YJU2B: variants seen among roughly 807,000 people sequenced by gnomAD.
The protein encoded by YJU2B is probable splicing factor YJU2B.
A neutral mutation model predicts 38.0 loss-of-function variants in YJU2B; 18 were observed. The ratio of observed to expected loss-of-function variants is 0.47; its 90% confidence interval spans 0.33 to 0.70. The LOEUF (loss-of-function observed/expected upper bound fraction) is 0.70. Among genes scored for constraint, YJU2B ranks in the 30% least tolerant of loss-of-function variants. The pLI, the probability that YJU2B is intolerant of heterozygous loss-of-function variation, is 0.02. For synonymous variants in YJU2B, 246 were observed against 225.4 expected, an observed-to-expected ratio of 1.09 and a Z score of -0.82; for missense variants, 538 against 556.3, an observed-to-expected ratio of 0.97 and a Z score of 0.33.
intron 2 of YJU2B, among the ~76,000 whole-genome samples, chr19:13,738,614 G>A (rs766013780): frequency 6.6e-6 from 1 of 152,060 alleles, no homozygotes; most frequent in Non-Finnish European, 1.5e-5. Flanking sequence ...CAAAAAAGCC[G>A]GGCGTGGTGG....
At chr19:13,744,948 A>C (rs427850), upstream of YJU2B, among the ~76,000 whole-genome samples, 1 of 150,678 alleles carries the variant, frequency 6.6e-6, no homozygotes, top group Non-Finnish European at 1.5e-5. Flanking sequence ...AGCCGAGATC[A>C]TGCCACTGCA....
intron 2 of YJU2B, among the ~76,000 whole-genome samples, chr19:13,740,252 A>G (rs1973057162): frequency 6.6e-6 from 1 of 152,168 alleles, no homozygotes; most frequent in Non-Finnish European, 1.5e-5. Context: ...TTGCTCTGTC[A>G]CCCAGGCCGA....
rs181494450 is a variant in YJU2B, at chr19:13,762,445, G to A, written c.712+8G>A. On this transcript the variant is annotated splice_region_variant and intron_variant, in intron 9 of 9. Transcript: ENST00000221554. ...AGTTCCACACCCTGGACTGTGCGTA[G>A]GAGGCCAGGGGGAAAAGGGGACAGG... 6.6e-4 allele frequency: 1,068 copies of A among 1,611,052 alleles called. 19 individuals carry two copies. The highest frequency in any genetic ancestry group is 3.4e-4 in the Admixed American group (20 of 59,686).
rs1240638569 is a variant in YJU2B at position 13,757,428 on chromosome 19, C to T, written c.151C>T (p.Pro51Ser). The T allele has an allele frequency of 6.2e-7, 1 of 1,613,740 alleles. No homozygotes were observed. The highest frequency in any genetic ancestry group is 1.7e-5 in the Admixed American group (1 of 59,980). ...QGILIIRFEM[P>S]YNIWCDGCKN... ...TGTCTGTCTTTGCAGATTCGAAATGCCATATAACATCTGGTGCGATGGCTG... is the reference window on the plus strand; with the variant it reads ...TGTCTGTCTTTGCAGATTCGAAATGTCATATAACATCTGGTGCGATGGCTG... Residue 51 changes from proline (P) to serine (S), a missense_variant, in exon 5 of 10, where the codon CCA (proline) becomes TCA (serine). Around this residue, in one of 2 missense-constraint regions of YJU2B, gnomAD observed 50 missense variants for 86.9 expected, o/e 0.58. Transcript: ENST00000221554.
intron 2 of YJU2B, among the ~76,000 whole-genome samples, chr19:13,742,439 A>G (rs1398157603): frequency 6.6e-6 from 1 of 152,024 alleles, no homozygotes; most frequent in African/African-American, 2.4e-5. Flanking sequence ...AGTAGCTGGC[A>G]TTACAAGTCT....
intron 3 of YJU2B, among the ~76,000 whole-genome samples, chr19:13,755,385 C>T (rs759101396): frequency 6.6e-5 from 10 of 150,442 alleles, no homozygotes; most frequent in Non-Finnish European, 1.3e-4. Context: ...CGCTTGAACC[C>T]GGAAGGCGGA....
At chr19:13,746,606 C>T (rs1377544549), upstream of YJU2B, among the ~76,000 whole-genome samples, 3 of 152,116 alleles carry the variant, frequency 2.0e-5, no homozygotes, top group Non-Finnish European at 4.4e-5. Flanking sequence ...AAATACAAGA[C>T]TCCAAAAAGG....
In YJU2B at chr19:13,756,380, AT is replaced by A. The variant is rs1973669445; in HGVS notation, c.140+103del. 3.4e-6 allele frequency: 3 copies of A among 878,918 alleles called. No individual in the cohort carries two copies. The East Asian group carries it at 7.5e-5, about 22-fold the overall frequency. 54.4% of individuals were successfully genotyped at this position (878,918 alleles called of 1,614,324 possible). On this transcript the variant is annotated intron_variant, in intron 4 of 9. Coordinates refer to ENST00000221554, the MANE Select transcript of YJU2B (RefSeq NM_030818.4). ...ATTGGCCCAGTGCTGCAGGGTCTTC[AT>A]TCCATAAAGCAGAAAGTCACCGTAT...
Position 13,751,680 on chromosome 19 carries a change from G to T in YJU2B, c.-129G>T. The T allele has an allele frequency of 1.0e-6, 1 of 981,284 alleles. No individual in the cohort carries two copies. The highest frequency in any genetic ancestry group is 1.4e-5 in the South Asian group (1 of 72,980). 60.8% of individuals were successfully genotyped at this position (981,284 alleles called of 1,614,324 possible). A position where few individuals can be genotyped will look rare whatever the true frequency, so the allele number is the denominator to read the frequency against. On this transcript the variant is annotated 5_prime_UTR_variant, in exon 2 of 10. Transcript: ENST00000221554. ...GAGCTGGCACCACCACACGGCCCAC[G>T]ACATCTTCGCAGGGAAGCCTGTGGA... is the stretch of plus-strand genomic sequence containing the variant.
intron 1 of YJU2B, among the ~76,000 whole-genome samples, chr19:13,750,122 C>T (rs553862231): frequency 1.3e-5 from 2 of 152,324 alleles, no homozygotes; most frequent in South Asian, 2.1e-4. Context: ...AGGGATATGG[C>T]ACAGTGTGAC....
chr19:13,740,195 C>CT (rs1398759634), intron 2 of YJU2B, among the ~76,000 whole-genome samples: 27 of 152,246 alleles, frequency 1.8e-4, no homozygotes, highest in African/African-American at 6.5e-4. Flanking sequence ...TCTCAGCAAA[C>CT]TAACATAAGT....
chr19:13,762,155 A>AGG, intron 8 of YJU2B, 144 bp from the exon 9 acceptor site: 2 of 949,476 alleles, frequency 2.1e-6, no homozygotes, highest in Non-Finnish European at 3.1e-6. Flanking sequence ...TGATTGTGCC[A>AGG]CTGCACTCCA....
upstream of YJU2B, among the ~76,000 whole-genome samples, chr19:13,745,425 G>A (rs919565986): frequency 3.9e-5 from 6 of 152,054 alleles, no homozygotes; most frequent in Non-Finnish European, 2.9e-5. Context: ...CACTTTGGGA[G>A]GCCGAGGTGG....
chr19:13,762,388 GGAA>G lies in YJU2B; in HGVS notation c.666_668del (p.Glu222del), dbSNP rs767091186. On this transcript the variant is annotated inframe_deletion, in exon 9 of 10. Transcript: ENST00000221554. Reference sequence around the variant, plus strand: ...TGACCATCCCGCTGGTGCCCGAGACGGAAGATGACCGCAAGCTGGCGGCTCTGC... The same window carrying G: ...TGACCATCCCGCTGGTGCCCGAGACGGATGACCGCAAGCTGGCGGCTCTGC... 1.2e-6 allele frequency: 2 copies of G among 1,613,872 alleles called. No individual in the cohort carries two copies. The highest frequency in any genetic ancestry group is 1.1e-5 in the South Asian group (1 of 91,084).
chr19:13,738,596 T>C (rs1024074442), intron 2 of YJU2B, among the ~76,000 whole-genome samples: 2 of 152,010 alleles, frequency 1.3e-5, no homozygotes, highest in African/African-American at 4.8e-5. Flanking sequence ...CCGTCTCTAT[T>C]AAAAATACAA....
intron 3 of YJU2B, among the ~76,000 whole-genome samples, chr19:13,755,246 A>G (rs1973619827): frequency 6.6e-6 from 1 of 151,022 alleles, no homozygotes. Context: ...GTGGATCACC[A>G]GGTCGAGAGT....
intron 2 of YJU2B, among the ~76,000 whole-genome samples, chr19:13,739,317 T>C (rs1469280387): frequency 7.2e-5 from 11 of 152,120 alleles, no homozygotes; most frequent in Non-Finnish European, 1.6e-4. Flanking sequence ...AGCTGACATA[T>C]TTTCATTTTA....
Position 13,758,924 on chromosome 19 carries a change from C to T in YJU2B, c.314C>T (p.Ala105Val), listed in dbSNP as rs1202848143. The T allele has an allele frequency of 2.0e-5, 32 of 1,613,828 alleles. No homozygotes were observed. The highest frequency in any genetic ancestry group is 2.7e-5 in the Non-Finnish European group (32 of 1,179,998). Residue 105 changes from alanine (A) to valine (V), a missense_variant, in exon 7 of 10, where the codon GCC becomes GTC. Coordinates refer to ENST00000221554, the MANE Select transcript of YJU2B (RefSeq NM_030818.4). ...TACATCGAGATGCAGACGGACCCCG[C>T]CAACTGCGACTACGTGATCGTGAGT... is the stretch of plus-strand genomic sequence containing the variant. ...VNYIEMQTDP[A>V]NCDYVIVSGA...
At chr19:13,754,627 C>G (rs1973595889) in intron 3 of YJU2B, among the ~76,000 whole-genome samples, 1 of 152,112 alleles carries the variant, frequency 6.6e-6, no homozygotes, top group African/African-American at 2.4e-5. Context: ...ATGGCTTCCC[C>G]AGCTCCAGCA....
Sources: gnomAD v4.1 joint callset for allele counts (sites outside exome capture counted in the v4.1 genomes callset) on GRCh38, gnomAD v4.1.1 for gene constraint, gnomAD v4.1.1 regional missense constraint, MANE v1.5 for transcripts, NCBI Gene and HGNC (gene_info 2026-07-23, HGNC 2026-07-21) for gene names.